The following POTEB3 variants were observed in gnomAD, a reference collection of about 807,000 sequenced individuals.
POTEB3 encodes POTE ankyrin domain family member B3.
A neutral mutation model predicts 39.8 loss-of-function variants in POTEB3; 5 were observed. The observed-to-expected ratio is 0.13, with a 90% CI of 0.07 to 0.26. The LOEUF (loss-of-function observed/expected upper bound fraction) is 0.26, where lower values mean the gene tolerates loss of function less well. Ranked by LOEUF, POTEB3 falls within the 10% of genes least tolerant of loss-of-function variation. The pLI, the probability that POTEB3 is intolerant of heterozygous loss-of-function variation, is 1.00. For missense variants in POTEB3, 24 were observed against 475.6 expected (o/e 0.05, Z 8.83); for synonymous variants, 5 against 161.5 (o/e 0.03, Z 7.35).
At chr15:21,422,729 T>C (rs1341930650) in intron 6 of POTEB3, among the ~76,000 whole-genome samples, 13 of 151,234 alleles carry the variant, frequency 8.6e-5, no homozygotes, top group African/African-American at 2.4e-4. Context: ...TCATAGCTAT[T>C]TTTACAAATG....
chr15:21,409,785 A>G (rs2141342215), intron 10 of POTEB3, among the ~76,000 whole-genome samples: 1 of 104,358 alleles, frequency 9.6e-6, no homozygotes, highest in East Asian at 2.5e-4. Flanking sequence ...CAACTCATTT[A>G]AGATCACGAT....
chr15:21,437,857 T>G (rs1899168976), intron 1 of POTEB3, among the ~76,000 whole-genome samples: 1 of 66,948 alleles, frequency 1.5e-5, no homozygotes, highest in East Asian at 2.9e-4. Context: ...GCAATTCTCC[T>G]GCCTCAGCCT....
intron 10 of POTEB3, among the ~76,000 whole-genome samples, chr15:21,409,742 G>C (rs1230233460): frequency 2.0e-5 from 2 of 101,198 alleles, no homozygotes; most frequent in Non-Finnish European, 3.8e-5. Context: ...GTACACACCG[G>C]CATCTAAGCA....
At chr15:21,425,190 C>T (rs1898637241) in intron 6 of POTEB3, 2 of 137,746 alleles carry the variant, frequency 1.5e-5, no homozygotes, top group South Asian at 2.2e-4. Flanking sequence ...AAACTATAGG[C>T]CACAGGACAA....
At position 21,405,794 on chromosome 15, in the gene POTEB3, A is replaced by G. The variant is rs1207362602; in HGVS notation, c.*3189T>C. 3.6e-5 allele frequency among the ~76,000 whole-genome samples: 3 copies of G among 83,364 alleles called. 1 individual carries two copies. Among genetic ancestry groups the G allele is most frequent in the African/African-American group, 2.3e-4 (2 of 8,622 alleles). The allele number at this position is 83,364 out of a possible 152,430, so 54.7% of individuals were successfully genotyped here. On this transcript the variant is annotated 3_prime_UTR_variant, in exon 11 of 11. Transcript: ENST00000611217. ...TCCGGGTTGAAATTTCTTTTCTTTA[A>G]GATGTTGAATATCTTTTCTGGCTTG...
Position 21,433,354 on chromosome 15 carries a change from C to G in POTEB3, c.810+1307G>C, listed in dbSNP as rs1163852009. Among the ~76,000 whole-genome samples, 156 of 150,360 alleles carry G rather than the reference C, an allele frequency of 1.0e-3. 10 individuals carry two copies. The highest frequency in any genetic ancestry group is 5.2e-4 in the Non-Finnish European group (35 of 67,334). On this transcript the variant is annotated intron_variant, in intron 3 of 10. Transcript: ENST00000611217. ...CCTCCCACCTCAGCCTCCCTAGCAG[C>G]TGGGACTACAGCCATGCACCACCAT...
chr15:21,419,383 G>C, intron 9 of POTEB3, 81 bp downstream of exon 9: 1 of 242,184 alleles, frequency 4.1e-6, no homozygotes, highest in East Asian at 5.7e-5. Flanking sequence ...GAATATTCTA[G>C]TAAAAGTATA....
At chr15:21,426,526 TTTG>T (rs1164871237) in intron 6 of POTEB3, among the ~76,000 whole-genome samples, 8 of 145,974 alleles carry the variant, frequency 5.5e-5, no homozygotes, top group Admixed American at 2.7e-4. Flanking sequence ...TTGATAGTTA[TTTG>T]TTAAGTGGAC....
At position 21,422,191 on chromosome 15, in the gene POTEB3, C is replaced by G. The variant is rs1482734829; in HGVS notation, c.1127-1G>C. The G allele has an allele frequency of 6.2e-7, 1 of 1,607,498 alleles. No homozygotes were observed. Among genetic ancestry groups the G allele is most frequent in the African/African-American group, 1.4e-5 (1 of 73,708 alleles). On this transcript the variant is annotated splice_acceptor_variant, in intron 6 of 10. Coordinates refer to ENST00000611217, the MANE Select transcript of POTEB3 (RefSeq NM_207355.5). LOFTEE classifies it high-confidence loss of function. ...TCTGATGTCAGCTTTAAGTCTTGTT[C>G]TGTTGAGAAATCCATATATTCAGTT... is the stretch of plus-strand genomic sequence containing the variant.
At chr15:21,434,346 G>T (rs1899106479) in intron 3 of POTEB3, among the ~76,000 whole-genome samples, 4 of 113,446 alleles carry the variant, frequency 3.5e-5, no homozygotes, top group Admixed American at 9.1e-5. Flanking sequence ...GGCAAATTTT[G>T]TCATTTTACA....
chr15:21,430,806 A>C (rs1898931100), intron 4 of POTEB3, among the ~76,000 whole-genome samples: 1 of 151,630 alleles, frequency 6.6e-6, no homozygotes, highest in South Asian at 2.1e-4. Flanking sequence ...TGCATGCTGA[A>C]AGCAGTAATA....
At chr15:21,433,566 A>T (rs1299852622) in intron 3 of POTEB3, among the ~76,000 whole-genome samples, 1 of 150,666 alleles carries the variant, frequency 6.6e-6, no homozygotes, top group Non-Finnish European at 1.5e-5. Context: ...CTCTCATCAC[A>T]TAAACAATTC....
In POTEB3 at chr15:21,405,656, A is replaced by C. The variant is rs1296399201; in HGVS notation, c.*3327T>G. Among the ~76,000 whole-genome samples, 1 of 82,084 alleles carries C rather than the reference A, an allele frequency of 1.2e-5. No homozygotes were observed. Among genetic ancestry groups the C allele is most frequent in the Non-Finnish European group, 2.2e-5 (1 of 46,332 alleles). The allele number at this position is 82,084 out of a possible 152,430, so 53.9% of individuals were successfully genotyped here. ...TCTTTCCATATTTAGTGCTTCCTTC[A>C]GGAGCTCTTGTAAGGTAGGTCTGGT... On this transcript the variant is annotated 3_prime_UTR_variant, in exon 11 of 11. Transcript: ENST00000611217.
intron 9 of POTEB3, among the ~76,000 whole-genome samples, chr15:21,413,545 T>TATATAC: frequency 3.6e-5 from 1 of 27,810 alleles, no homozygotes; most frequent in South Asian, 8.1e-4. Flanking sequence ...TATATATATA[T>TATATAC]ATATATATGT....
intron 3 of POTEB3, among the ~76,000 whole-genome samples, chr15:21,433,560 C>G (rs1327272652): frequency 3.1e-4 from 46 of 150,624 alleles, no homozygotes; most frequent in Non-Finnish European, 5.5e-4. Context: ...TCTCATCTCT[C>G]ATCACATAAA....
chr15:21,414,336 C>T (rs1259948459), intron 9 of POTEB3, among the ~76,000 whole-genome samples: 1 of 123,490 alleles, frequency 8.1e-6, no homozygotes, highest in Non-Finnish European at 1.6e-5. Flanking sequence ...GAAAACAGAT[C>T]TTCCTGAGAG....
At chr15:21,422,707 C>T (rs1486959673) in intron 6 of POTEB3, among the ~76,000 whole-genome samples, 2 of 150,524 alleles carry the variant, frequency 1.3e-5, no homozygotes, top group Non-Finnish European at 3.0e-5. Context: ...TCCCCTCCCC[C>T]TCAGCATTTA....
intron 6 of POTEB3, among the ~76,000 whole-genome samples, chr15:21,422,830 T>C (rs1177582137): frequency 6.6e-6 from 1 of 151,380 alleles, no homozygotes; most frequent in Non-Finnish European, 1.5e-5. Flanking sequence ...TATGATTAAC[T>C]GCCTTTGTTC....
Position 21,440,252 on chromosome 15 carries a change from G to GC in POTEB3, c.-242dup, listed in dbSNP as rs1273606019. ...CCACGCCCACCCCAGGAAAGGCCAAGCCCCCCCTCCCAAGGAAACACCCAG... is the reference window on the plus strand; with the variant it reads ...CCACGCCCACCCCAGGAAAGGCCAAGCCCCCCCCTCCCAAGGAAACACCCAG... On this transcript the variant is annotated 5_prime_UTR_variant, in exon 1 of 11. Coordinates refer to ENST00000611217, the MANE Select transcript of POTEB3 (RefSeq NM_207355.5). 2.0e-5 allele frequency: 10 copies of GC among 489,572 alleles called. No homozygotes were observed. The highest frequency in any genetic ancestry group is 4.0e-5 in the African/African-American group (1 of 24,846). 30.3% of individuals were successfully genotyped at this position (489,572 alleles called of 1,614,324 possible). A position where few individuals can be genotyped will look rare whatever the true frequency, so the allele number is the denominator to read the frequency against.
Sources: gnomAD v4.1 joint callset for allele counts (sites outside exome capture counted in the v4.1 genomes callset) on GRCh38, gnomAD v4.1.1 for gene constraint, MANE v1.5 for transcripts, NCBI Gene and HGNC (gene_info 2026-07-23, HGNC 2026-07-21) for gene names.